MED13L: variants seen among roughly 807,000 people sequenced by gnomAD.
MED13L encodes mediator complex subunit 13L, also known as mediator of RNA polymerase II transcription subunit 13-like.
In MED13L, 7 loss-of-function variants were observed where a neutral mutation model predicts 220.9. The observed-to-expected ratio is 0.03, with a 90% confidence interval of 0.02 to 0.06. The LOEUF is 0.06. MED13L is among the 10% of genes least tolerant of loss of function. The probability of loss-of-function intolerance (pLI) is 1.00; values close to 1 mark genes in which losing one functional copy is unlikely to be tolerated. For missense variants in MED13L, 1,965 were observed against 2,760.5 expected (o/e 0.71, Z 6.46); for synonymous variants, 1,011 against 1,015.2 (o/e 1.00, Z 0.08).
At chr12:116,119,831 AAAAAAAAATATATATAT>A (rs1447524191) in intron 2 of MED13L, among the ~76,000 whole-genome samples, 2 of 117,220 alleles carry the variant, frequency 1.7e-5, no homozygotes, top group East Asian at 5.0e-4. Context: ...AAAAAAAAAA[AAAAAAAAATATATATAT>A]ATATATATAT....
At chr12:115,977,722 C>T (rs956479067) in intron 23 of MED13L, among the ~76,000 whole-genome samples, 8 of 152,210 alleles carry the variant, frequency 5.3e-5, no homozygotes, top group East Asian at 3.9e-4. Flanking sequence ...TATGGCCAGG[C>T]GAGGTGGTTC....
In MED13L at chr12:116,202,113, C is replaced by T. The variant is rs567125491; in HGVS notation, c.310+35355G>A. 1.3e-5 allele frequency among the ~76,000 whole-genome samples: 2 copies of T among 152,272 alleles called. 1 individual carries two copies. The highest frequency in any genetic ancestry group is 4.1e-4 in the South Asian group (2 of 4,820). ...TCAGCGTCAATGGAATGAGCCAAAT[C>T]CACACAACAGCATTTTACAAAAATA... On this transcript the variant is annotated intron_variant, in intron 2 of 30. Transcript: ENST00000281928.
At chr12:116,095,504 A>G (rs1039147843) in intron 4 of MED13L, among the ~76,000 whole-genome samples, 12 of 152,194 alleles carry the variant, frequency 7.9e-5, no homozygotes, top group African/African-American at 2.7e-4. Flanking sequence ...GTTGAGTGAG[A>G]AGACTACTAA....
chr12:116,060,601 A>C (rs1214092996), intron 4 of MED13L, among the ~76,000 whole-genome samples: 1 of 152,010 alleles, frequency 6.6e-6, no homozygotes, highest in East Asian at 1.9e-4. Context: ...AAAAACTAAA[A>C]ATTTGCAAAA....
chr12:116,086,899 C>A (rs1270048222), intron 4 of MED13L, among the ~76,000 whole-genome samples: 1 of 152,118 alleles, frequency 6.6e-6, no homozygotes, highest in Non-Finnish European at 1.5e-5. Flanking sequence ...TGATTTCAAA[C>A]ATTTGGTAAG....
chr12:116,266,641 C>T (rs1330430189), intron 1 of MED13L, among the ~76,000 whole-genome samples: 1 of 152,156 alleles, frequency 6.6e-6, no homozygotes, highest in East Asian at 1.9e-4. Flanking sequence ...TATAATAGAC[C>T]TAATTAAGTA....
intron 1 of MED13L, among the ~76,000 whole-genome samples, chr12:116,274,851 G>C (rs1421211620): frequency 6.6e-6 from 1 of 151,932 alleles, no homozygotes; most frequent in Non-Finnish European, 1.5e-5. Flanking sequence ...TTGGTTTAAA[G>C]AGGTTTAGGG....
intron 4 of MED13L, among the ~76,000 whole-genome samples, chr12:116,093,563 A>C (rs1872417644): frequency 6.6e-6 from 1 of 152,074 alleles, no homozygotes; most frequent in Non-Finnish European, 1.5e-5. Flanking sequence ...TATTATTCTA[A>C]CAGGGAGAAC....
intron 29 of MED13L, 138 bp from the exon 30 acceptor site, chr12:115,963,657 C>T (rs1224600159): frequency 1.4e-6 from 1 of 714,928 alleles, no homozygotes; most frequent in Non-Finnish European, 2.5e-6. Context: ...CAAATTTTAA[C>T]CTGCTCAGTA....
chr12:116,120,473 TCTCTCACACACACACACACACA>T (rs1874981079), intron 2 of MED13L, among the ~76,000 whole-genome samples: 2 of 101,444 alleles, frequency 2.0e-5, no homozygotes, highest in Admixed American at 1.1e-4. Context: ...TCTCTCTCTC[TCTCTCACACACACACACACACA>T]CACACACACA....
chr12:116,146,699 T>C (rs1246622092), intron 2 of MED13L, among the ~76,000 whole-genome samples: 1 of 151,824 alleles, frequency 6.6e-6, no homozygotes, highest in Non-Finnish European at 1.5e-5. Flanking sequence ...AACCCCCATC[T>C]CTACTAAAAA....
intron 4 of MED13L, among the ~76,000 whole-genome samples, chr12:116,077,842 A>C (rs1351768977): frequency 2.0e-5 from 3 of 152,236 alleles, no homozygotes; most frequent in African/African-American, 7.2e-5. Context: ...TTTTAGGTAT[A>C]CATACTTTAG....
At chr12:115,980,305 C>T (rs1168774097) in intron 23 of MED13L, among the ~76,000 whole-genome samples, 2 of 152,086 alleles carry the variant, frequency 1.3e-5, no homozygotes, top group Non-Finnish European at 2.9e-5. Context: ...TCTATTTAAA[C>T]CTAAGAGTTA....
At chr12:116,206,835 G>T (rs979922591) in intron 2 of MED13L, among the ~76,000 whole-genome samples, 7 of 152,100 alleles carry the variant, frequency 4.6e-5, no homozygotes, top group Non-Finnish European at 1.5e-5. Flanking sequence ...TTGTTTTGTA[G>T]ATTTGACTTT....
intron 4 of MED13L, among the ~76,000 whole-genome samples, chr12:116,076,038 C>T (rs1441875951): frequency 1.3e-5 from 2 of 151,544 alleles, no homozygotes; most frequent in Non-Finnish European, 2.9e-5. Context: ...CTCAGCCTCC[C>T]GAGTAGCTGG....
At chr12:116,071,049 A>AT (rs1870330393) in intron 4 of MED13L, among the ~76,000 whole-genome samples, 1 of 152,228 alleles carries the variant, frequency 6.6e-6, no homozygotes, top group South Asian at 2.1e-4. Flanking sequence ...AAATATCAGT[A>AT]TTTTTAATGA....
intron 1 of MED13L, among the ~76,000 whole-genome samples, chr12:116,241,479 T>C (rs1870646654): frequency 6.6e-6 from 1 of 152,136 alleles, no homozygotes; most frequent in East Asian, 1.9e-4. Flanking sequence ...CTATGCACGG[T>C]AATTTACTCA....
Position 115,984,244 on chromosome 12 carries a change from G to A in MED13L, c.4467C>T (p.Ser1489=), listed in dbSNP as rs141892892. 1,441 of 1,613,816 alleles carry A rather than the reference G, an allele frequency of 8.9e-4. No homozygotes were observed. Among genetic ancestry groups the A allele is most frequent in the Admixed American group, 1.9e-3 (114 of 59,980 alleles). ...LVSEWFNQPW[S]GEENDNHSRL... is the part of the protein sequence containing the mutation. Reference sequence around the variant, plus strand: ...TGGAATGATTGTCATTCTCCTCGCCGCTCCAAGGCTGGTTAAACCACTCAC... The same window carrying A: ...TGGAATGATTGTCATTCTCCTCGCCACTCCAAGGCTGGTTAAACCACTCAC... The change falls in exon 20 of 31, where the codon AGC becomes AGT. Residue 1489 remains serine (S), a synonymous_variant. Transcript: ENST00000281928.
chr12:116,059,227 C>G (rs1393977822), intron 4 of MED13L, among the ~76,000 whole-genome samples: 4 of 152,088 alleles, frequency 2.6e-5, no homozygotes, highest in Non-Finnish European at 4.4e-5. Flanking sequence ...GCCAACCCAC[C>G]CAGCTAATTG....
Sources: allele counts gnomAD v4.1 joint callset (sites outside exome capture counted in the v4.1 genomes callset), GRCh38; gene constraint gnomAD v4.1.1; transcripts MANE v1.5; gene names NCBI Gene and HGNC (gene_info 2026-07-23, HGNC 2026-07-21).